Variants in PPIL2 observed in about 807,000 individuals in gnomAD.
The protein encoded by PPIL2 is RING-type E3 ubiquitin-protein ligase PPIL2.
A neutral mutation model predicts 75.2 loss-of-function variants in PPIL2; 50 were observed. That is an observed-to-expected ratio of 0.66 (90% CI 0.53 to 0.84). PPIL2 has a LOEUF of 0.84. PPIL2 is among the 40% of genes least tolerant of loss of function. The pLI is 0.00. For missense variants in PPIL2, 590 were observed against 685.0 expected, an observed-to-expected ratio of 0.86 and a Z score of 1.55; for synonymous variants, 245 against 258.8, an observed-to-expected ratio of 0.95 and a Z score of 0.51.
downstream of PPIL2, chr22:21,698,223 C>CA (rs59474281): frequency 0.45 from 43,563 of 97,184 alleles, 6,902 homozygotes; most frequent in East Asian, 0.51. Flanking sequence ...AGAAGCCCAA[C>CA]AAAAAAAAAG....
chr22:21,693,952 CT>C, intron 16 of PPIL2, 80 bp downstream of exon 16: 3 of 1,422,092 alleles, frequency 2.1e-6, no homozygotes, highest in Admixed American at 1.7e-5. Context: ...TCCTCACTGC[CT>C]TTTTCGTGGA....
In PPIL2 at chr22:21,670,631, A is replaced by ACCTTTC. The variant is rs533409712; in HGVS notation, c.128+25_128+30dup. On this transcript the variant is annotated intron_variant, in intron 3 of 19. Transcript: ENST00000398831. ...CTGCAGGTAAGAGTTTTGCGAGTTTACCTTTCCCTTGTAATTGTTCTCTGA... is the reference window on the plus strand; with the variant it reads ...CTGCAGGTAAGAGTTTTGCGAGTTTACCTTTCCCTTTCCCTTGTAATTGTTCTCTGA... The ACCTTTC allele has an allele frequency of 6.1e-5, 97 of 1,597,894 alleles. No individual in the cohort carries two copies. In the East Asian group the frequency reaches 2.1e-3, roughly 34 times the overall value.
At chr22:21,686,801 C>G in intron 11 of PPIL2, 91 bp from the exon 12 acceptor site, 1 of 1,299,200 alleles carries the variant, frequency 7.7e-7, no homozygotes, top group Non-Finnish European at 1.1e-6. Flanking sequence ...GGAGCCTAGT[C>G]CCCGCCTGTG....
At chr22:21,674,937 T>C in intron 5 of PPIL2, 127 bp from the exon 6 acceptor site, 1 of 819,716 alleles carries the variant, frequency 1.2e-6, no homozygotes, top group Non-Finnish European at 2.0e-6. Context: ...CTTGGGGCCT[T>C]CCCTTTTGTC....
At chr22:21,687,427 C>T (rs1452569911) in intron 12 of PPIL2, among the ~76,000 whole-genome samples, 1 of 152,042 alleles carries the variant, frequency 6.6e-6, no homozygotes, top group African/African-American at 2.4e-5. Flanking sequence ...GTGGCGCATG[C>T]CTGTAGTCCT....
Position 21,697,220 on chromosome 22 carries a change from A to T in PPIL2, c.*1730A>T, listed in dbSNP as rs1188654763. 3 of 559,038 alleles carry T rather than the reference A, an allele frequency of 5.4e-6. No homozygotes were observed. Among genetic ancestry groups the T allele is most frequent in the Non-Finnish European group, 9.6e-6 (3 of 312,122 alleles). 34.6% of individuals were successfully genotyped at this position (559,038 alleles called of 1,614,324 possible). A position where few individuals can be genotyped will look rare whatever the true frequency, so the allele number is the denominator to read the frequency against. On this transcript the variant is annotated 3_prime_UTR_variant, in exon 20 of 20. Transcript: ENST00000398831. ...GGACACAGTGACTGCCCAGGTGTCC[A>T]CACACCTGTAGGCCTCTGAGCCAGC...
chr22:21,667,116 C>T (rs977534175), intron 1 of PPIL2, among the ~76,000 whole-genome samples: 1 of 145,022 alleles, frequency 6.9e-6, no homozygotes, highest in East Asian at 2.0e-4. Context: ...CCAGCGACTT[C>T]TTGTTGCTAA....
rs201276728 is a variant in PPIL2 at position 21,690,150 on chromosome 22, A to AGGT, written c.1139+1302_1139+1304dup. ...GTAATCCCAGCACTTTGGGAGGCTG[A>AGGT]GGTAGGTGGATTGCCTGAGCCCAGG... On this transcript the variant is annotated intron_variant, in intron 15 of 19. Coordinates refer to ENST00000398831, the MANE Select transcript of PPIL2 (RefSeq NM_014337.4). Among the ~76,000 whole-genome samples the AGGT allele has an allele frequency of 5.5e-3, 832 of 152,152 alleles. 3 individuals are homozygous for AGGT. The highest frequency in any genetic ancestry group is 9.0e-3 in the Non-Finnish European group (611 of 67,990).
chr22:21,696,888 G>T lies in PPIL2; in HGVS notation c.*1398G>T. The T allele has an allele frequency of 6.3e-7, 1 of 1,591,824 alleles. No homozygotes were observed. Among genetic ancestry groups the T allele is most frequent in the Non-Finnish European group, 8.5e-7 (1 of 1,169,750 alleles). On this transcript the variant is annotated 3_prime_UTR_variant, in exon 20 of 20. Coordinates refer to ENST00000398831, the MANE Select transcript of PPIL2 (RefSeq NM_014337.4). ...CTCACCCCATCCACTGCCACAGGCT[G>T]CCTGATGACCACTAGAGGTATGTCT...
rs1009638598 is a variant in PPIL2 at position 21,696,870 on chromosome 22, C to T, written c.*1380C>T. The T allele has an allele frequency of 1.3e-6, 2 of 1,586,940 alleles. No homozygotes were observed. The highest frequency in any genetic ancestry group is 1.8e-5 in the Admixed American group (1 of 56,146). ...CCTCATCTGCATCTCTGCCTCACCC[C>T]ATCCACTGCCACAGGCTGCCTGATG... On this transcript the variant is annotated 3_prime_UTR_variant, in exon 20 of 20. Transcript: ENST00000398831.
intron 6 of PPIL2, among the ~76,000 whole-genome samples, chr22:21,679,625 C>T (rs935076945): frequency 2.0e-5 from 3 of 151,264 alleles, no homozygotes. Flanking sequence ...AACAAAAAAA[C>T]GGGGTCTCAG....
intron 15 of PPIL2, among the ~76,000 whole-genome samples, chr22:21,692,262 T>C (rs999172943): frequency 1.3e-5 from 2 of 151,974 alleles, no homozygotes; most frequent in Admixed American, 1.3e-4. Flanking sequence ...TTCATGCCAT[T>C]CTCCTGCCTC....
intron 1 of PPIL2, among the ~76,000 whole-genome samples, chr22:21,668,657 T>A (rs1601499073): frequency 6.7e-6 from 1 of 148,538 alleles, no homozygotes; most frequent in Non-Finnish European, 1.5e-5. Context: ...TAAATAAAAA[T>A]AAAGAAATAG....
intron 15 of PPIL2, among the ~76,000 whole-genome samples, chr22:21,689,569 T>C (rs1235808526): frequency 2.6e-5 from 4 of 152,088 alleles, no homozygotes; most frequent in African/African-American, 9.7e-5. Flanking sequence ...TAACAAATTA[T>C]CTTATAATTC....
chr22:21,680,595 C>A (rs187138772), intron 6 of PPIL2, among the ~76,000 whole-genome samples: 2 of 151,076 alleles, frequency 1.3e-5, no homozygotes, highest in Non-Finnish European at 2.9e-5. Context: ...TTTGGGAGGC[C>A]GAGGTGGGCA....
At chr22:21,681,837 G>A (rs1034437003) in intron 7 of PPIL2, among the ~76,000 whole-genome samples, 3 of 152,222 alleles carry the variant, frequency 2.0e-5, no homozygotes, top group African/African-American at 7.2e-5. Context: ...GGAGACAGCC[G>A]TGTTCACACA....
intron 6 of PPIL2, among the ~76,000 whole-genome samples, chr22:21,677,056 G>A (rs1231196455): frequency 1.3e-5 from 2 of 151,652 alleles, no homozygotes; most frequent in Non-Finnish European, 2.9e-5. Context: ...TCCCGGACGG[G>A]GCGGCTGCCG....
rs559418479 is a variant in PPIL2 at position 21,676,525 on chromosome 22, G to A, written c.295+1410G>A. Reference sequence around the variant, plus strand: ...GACCCTGCGGCCTTCTGCAGTGTTTGTGTCCCTGGGTACTTGAGATTAGGG... The same window carrying A: ...GACCCTGCGGCCTTCTGCAGTGTTTATGTCCCTGGGTACTTGAGATTAGGG... On this transcript the variant is annotated intron_variant, in intron 6 of 19. Transcript: ENST00000398831. 9.9e-4 allele frequency among the ~76,000 whole-genome samples: 151 copies of A among 151,872 alleles called. 1 individual carries two copies. The highest frequency in any genetic ancestry group is 3.4e-3 in the Middle Eastern group (1 of 294).
intron 11 of PPIL2, 131 bp from the exon 12 acceptor site, chr22:21,686,761 G>A: frequency 9.3e-7 from 1 of 1,073,240 alleles, no homozygotes; most frequent in Non-Finnish European, 1.4e-6. Flanking sequence ...CAGACCCTCG[G>A]CCTCCAGCTC....
Sources: gnomAD v4.1 joint callset for allele counts (sites outside exome capture counted in the v4.1 genomes callset) on GRCh38, gnomAD v4.1.1 for gene constraint, MANE v1.5 for transcripts, NCBI Gene and HGNC (gene_info 2026-07-23, HGNC 2026-07-21) for gene names.